Variants in PTPRD observed in about 807,000 individuals in gnomAD.
The protein encoded by PTPRD is receptor-type tyrosine-protein phosphatase delta.
A neutral mutation model predicts 214.5 loss-of-function variants in PTPRD; 34 were observed. The ratio of observed to expected loss-of-function variants is 0.16; its 90% CI spans 0.12 to 0.21. The LOEUF (loss-of-function observed/expected upper bound fraction) is 0.21, where lower values mean the gene tolerates loss of function less well. Ranked by LOEUF, PTPRD falls within the 10% of genes least tolerant of loss-of-function variation. The pLI is 1.00. For missense variants in PTPRD, 2,545 were observed against 2,398.7 expected (o/e 1.06, Z -1.27); for synonymous variants, 1,128 against 845.7 (o/e 1.33, Z -5.79).
At chr9:8,571,170 C>T (rs941961073) in intron 14 of PTPRD, among the ~76,000 whole-genome samples, 60 of 152,160 alleles carry the variant, frequency 3.9e-4, no homozygotes, top group African/African-American at 1.3e-3. Context: ...ACAAGTTATG[C>T]TTTGTTGTCA....
intron 2 of PTPRD, among the ~76,000 whole-genome samples, chr9:10,421,057 A>T (rs987784311): frequency 2.0e-5 from 3 of 151,922 alleles, no homozygotes; most frequent in Non-Finnish European, 2.9e-5. Context: ...AACACTAACA[A>T]TAGCTGATTA....
intron 9 of PTPRD, among the ~76,000 whole-genome samples, chr9:9,364,217 A>G (rs2057192884): frequency 6.6e-6 from 1 of 151,440 alleles, no homozygotes. Context: ...TGCCTAACAC[A>G]GTTTTATATG....
chr9:9,090,188 C>G (rs572198822), intron 10 of PTPRD, among the ~76,000 whole-genome samples: 3 of 152,150 alleles, frequency 2.0e-5, no homozygotes, highest in East Asian at 3.9e-4. Context: ...TACCCATTAA[C>G]CTACCTCTCT....
chr9:9,747,488 A>G (rs2098469491), intron 6 of PTPRD, among the ~76,000 whole-genome samples: 1 of 151,196 alleles, frequency 6.6e-6, no homozygotes, highest in Non-Finnish European at 1.5e-5. Flanking sequence ...TGAATATACT[A>G]TTTGGGGAAA....
At chr9:10,554,639 T>C (rs953664276) in intron 2 of PTPRD, among the ~76,000 whole-genome samples, 4 of 149,742 alleles carry the variant, frequency 2.7e-5, no homozygotes, top group Non-Finnish European at 4.5e-5. Flanking sequence ...AACAGGTTTA[T>C]ACATTTCTTT....
intron 11 of PTPRD, chr9:8,858,049 G>T (rs929797161): frequency 2.0e-5 from 3 of 152,162 alleles, no homozygotes; most frequent in South Asian, 1.7e-4. Context: ...CTCGCCCTGC[G>T]CCCGCTTCTC....
At chr9:9,839,384 C>T (rs1233385417) in intron 5 of PTPRD, among the ~76,000 whole-genome samples, 4 of 152,128 alleles carry the variant, frequency 2.6e-5, no homozygotes, top group Admixed American at 2.0e-4. Context: ...GTACAAAAAT[C>T]ACAAGCATTC....
intron 11 of PTPRD, among the ~76,000 whole-genome samples, chr9:8,986,416 T>C (rs540847367): frequency 3.2e-4 from 48 of 152,074 alleles, no homozygotes; most frequent in African/African-American, 1.1e-3. Context: ...TTTCATTTTG[T>C]ATAATTTTTT....
chr9:10,297,144 T>C (rs2095702014), intron 3 of PTPRD, among the ~76,000 whole-genome samples: 1 of 148,562 alleles, frequency 6.7e-6, no homozygotes, highest in African/African-American at 2.4e-5. Context: ...ATTTTTATTA[T>C]ACTTTAATTT....
At chr9:8,408,648 A>T (rs1378854557) in intron 35 of PTPRD, among the ~76,000 whole-genome samples, 1 of 152,194 alleles carries the variant, frequency 6.6e-6, no homozygotes, top group Non-Finnish European at 1.5e-5. Context: ...GTCTCCAGCC[A>T]ATCAAAAAGC....
chr9:9,582,977 C>T (rs996316964), intron 7 of PTPRD, among the ~76,000 whole-genome samples: 1 of 152,030 alleles, frequency 6.6e-6, no homozygotes, highest in Non-Finnish European at 1.5e-5. Context: ...TGAAAGTTTA[C>T]TTGTTACCAC....
intron 11 of PTPRD, among the ~76,000 whole-genome samples, chr9:8,904,294 T>C (rs2098692530): frequency 6.6e-6 from 1 of 152,242 alleles, no homozygotes; most frequent in African/African-American, 2.4e-5. Flanking sequence ...ATTGATATGA[T>C]GCTCTTATGT....
At chr9:9,197,144 C>T (rs1311620885) in intron 9 of PTPRD, among the ~76,000 whole-genome samples, 1 of 152,138 alleles carries the variant, frequency 6.6e-6, no homozygotes, top group Non-Finnish European at 1.5e-5. Context: ...GATTACAGTA[C>T]CAAATGGCAG....
intron 14 of PTPRD, among the ~76,000 whole-genome samples, chr9:8,545,947 C>T (rs1233803465): frequency 1.3e-5 from 2 of 152,178 alleles, no homozygotes; most frequent in African/African-American, 4.8e-5. Context: ...ACTTTGTCCA[C>T]CTCAATTTAT....
At chr9:9,265,290 CT>C (rs1195989099) in intron 9 of PTPRD, among the ~76,000 whole-genome samples, 3 of 151,600 alleles carry the variant, frequency 2.0e-5, no homozygotes, top group Non-Finnish European at 1.5e-5. Flanking sequence ...GAGATAGCAT[CT>C]CATTCTGTCA....
At chr9:8,554,033 A>G (rs1411500772) in intron 14 of PTPRD, among the ~76,000 whole-genome samples, 1 of 151,926 alleles carries the variant, frequency 6.6e-6, no homozygotes, top group East Asian at 1.9e-4. Context: ...CTAAAGATAC[A>G]AAAAATTAGC....
chr9:9,762,975 G>T (rs2098673054), intron 6 of PTPRD, among the ~76,000 whole-genome samples: 1 of 152,176 alleles, frequency 6.6e-6, no homozygotes, highest in African/African-American at 2.4e-5. Context: ...CTCTTGGCTT[G>T]TTGGTGGTTG....
intron 14 of PTPRD, among the ~76,000 whole-genome samples, chr9:8,531,703 C>G (rs554407127): frequency 6.6e-6 from 1 of 152,218 alleles, no homozygotes; most frequent in South Asian, 2.1e-4. Context: ...TGCATAAATA[C>G]TGCTCTGCTA....
intron 14 of PTPRD, among the ~76,000 whole-genome samples, chr9:8,563,621 G>A (rs188598103): frequency 2.1e-3 from 316 of 151,966 alleles, no homozygotes; most frequent in South Asian, 4.8e-3. Flanking sequence ...ATTTTTAGTA[G>A]AGATGGGGTT....
Sources: allele counts gnomAD v4.1 joint callset (sites outside exome capture counted in the v4.1 genomes callset), GRCh38; gene constraint gnomAD v4.1.1; transcripts MANE v1.5; gene names NCBI Gene and HGNC (gene_info 2026-07-23, HGNC 2026-07-21).